STRBP: variants seen among roughly 807,000 people sequenced by gnomAD.
STRBP encodes the protein spermatid perinuclear RNA binding protein, also known as spermatid perinuclear RNA-binding protein.
STRBP carries 13 observed loss-of-function variants against 80.1 expected under a neutral mutation model. That is an observed-to-expected ratio of 0.16 (90% confidence interval 0.11 to 0.26). STRBP has a LOEUF of 0.26. Ranked by LOEUF, STRBP falls within the 10% of genes least tolerant of loss-of-function variation. The pLI, the probability that STRBP is intolerant of heterozygous loss-of-function variation, is 1.00. For missense variants in STRBP, 485 were observed against 815.2 expected (o/e 0.59, Z 4.93); for synonymous variants, 284 against 291.2 (o/e 0.98, Z 0.25).
At chr9:123,225,719 G>C (rs1208453793) in intron 2 of STRBP, among the ~76,000 whole-genome samples, 1 of 152,112 alleles carries the variant, frequency 6.6e-6, no homozygotes, top group African/African-American at 2.4e-5. Context: ...TCTTGTTCCT[G>C]GATGCTAACT....
chr9:123,234,465 A>G (rs2132588236), intron 2 of STRBP, among the ~76,000 whole-genome samples: 1 of 152,238 alleles, frequency 6.6e-6, no homozygotes, highest in South Asian at 2.1e-4. Context: ...ACTTCCCAAA[A>G]AGAAAACTAA....
At chr9:123,268,154 G>A (rs1163495376) in intron 1 of STRBP, among the ~76,000 whole-genome samples, 1 of 151,914 alleles carries the variant, frequency 6.6e-6, no homozygotes, top group African/African-American at 2.4e-5. Flanking sequence ...TGATCGGCCG[G>A]GACCCCGTCC....
intron 6 of STRBP, 48 bp from the exon 7 acceptor site, chr9:123,161,116 G>T (rs142499163): frequency 4.6e-6 from 6 of 1,297,662 alleles, no homozygotes; most frequent in Middle Eastern, 1.8e-4. Context: ...TTGACCAAGC[G>T]ATTCCTATCA....
At chr9:123,128,119 C>T in intron 18 of STRBP, 95 bp downstream of exon 18, 1 of 1,434,016 alleles carries the variant, frequency 7.0e-7, no homozygotes, top group Non-Finnish European at 9.8e-7. Flanking sequence ...AATCTGAGAT[C>T]CTCCAATTAA....
intron 2 of STRBP, among the ~76,000 whole-genome samples, chr9:123,188,715 T>C (rs2038801246): frequency 6.6e-6 from 1 of 152,150 alleles, no homozygotes; most frequent in Non-Finnish European, 1.5e-5. Flanking sequence ...ACTTAAATAT[T>C]TAGGGATTTT....
chr9:123,185,156 G>A (rs533010693), intron 2 of STRBP, among the ~76,000 whole-genome samples: 18 of 151,064 alleles, frequency 1.2e-4, no homozygotes, highest in African/African-American at 4.4e-4. Flanking sequence ...GTGGCTATAA[G>A]AGGACATAAT....
At chr9:123,235,445 T>C (rs1476838932) in intron 2 of STRBP, among the ~76,000 whole-genome samples, 9 of 149,618 alleles carry the variant, frequency 6.0e-5, no homozygotes, top group Non-Finnish European at 1.3e-4. Flanking sequence ...CTTTTATTTC[T>C]ATTGTGATTG....
intron 2 of STRBP, among the ~76,000 whole-genome samples, chr9:123,210,522 G>GA: frequency 6.6e-6 from 1 of 152,078 alleles, no homozygotes; most frequent in East Asian, 1.9e-4. Flanking sequence ...AAAAATAGAA[G>GA]AAACATTATT....
At chr9:123,205,668 C>T (rs1187756858) in intron 2 of STRBP, among the ~76,000 whole-genome samples, 2 of 152,208 alleles carry the variant, frequency 1.3e-5, no homozygotes, top group Non-Finnish European at 2.9e-5. Flanking sequence ...TTATCTTATA[C>T]TACTTAAAAG....
At chr9:123,192,343 T>C (rs377569595) in intron 2 of STRBP, among the ~76,000 whole-genome samples, 6 of 152,266 alleles carry the variant, frequency 3.9e-5, no homozygotes, top group African/African-American at 1.4e-4. Flanking sequence ...AGAACAACTA[T>C]ACTCAAAGAA....
At chr9:123,190,047 A>G (rs1328025622) in intron 2 of STRBP, among the ~76,000 whole-genome samples, 1 of 152,164 alleles carries the variant, frequency 6.6e-6, no homozygotes, top group East Asian at 1.9e-4. Flanking sequence ...TGGGAGGCAG[A>G]GATGGGTGGA....
chr9:123,245,315 G>A (rs1679016361), intron 1 of STRBP, among the ~76,000 whole-genome samples: 1 of 152,226 alleles, frequency 6.6e-6, no homozygotes, highest in African/African-American at 2.4e-5. Flanking sequence ...AGATGCTTAG[G>A]TAGCATCCCA....
chr9:123,183,027 A>AC (rs202215915), intron 3 of STRBP, among the ~76,000 whole-genome samples: 87,010 of 124,242 alleles, frequency 0.7, 32,431 homozygotes, highest in Non-Finnish European at 0.84. Context: ...AAAAAAAAAA[A>AC]AAAAAAAAAA....
chr9:123,125,744 A>T, intron 18 of STRBP, 71 bp from the exon 19 acceptor site: 1 of 1,228,456 alleles, frequency 8.1e-7, no homozygotes, highest in Non-Finnish European at 1.2e-6. Flanking sequence ...AGGTAAAAAA[A>T]TATCTGACAG....
rs1246139572 is a variant in STRBP at position 123,124,405 on chromosome 9, C to G, written c.*1192G>C. ...GGAGGACTTAGGTCTGCACCCTTTACAGAACAGCACAATGTTACCCACTGA... is the reference window on the plus strand; with the variant it reads ...GGAGGACTTAGGTCTGCACCCTTTAGAGAACAGCACAATGTTACCCACTGA... On this transcript the variant is annotated 3_prime_UTR_variant, in exon 19 of 19. Coordinates refer to ENST00000348403, the MANE Select transcript of STRBP (RefSeq NM_018387.5). 5 of 985,280 alleles carry G rather than the reference C, an allele frequency of 5.1e-6. No homozygotes were observed. In the East Asian group the frequency reaches 3.4e-4, roughly 67 times the overall value. 61.0% of individuals were successfully genotyped at this position (985,280 alleles called of 1,614,324 possible).
chr9:123,226,248 G>A (rs1231659012), intron 2 of STRBP, among the ~76,000 whole-genome samples: 1 of 152,148 alleles, frequency 6.6e-6, no homozygotes, highest in African/African-American at 2.4e-5. Context: ...TGACTACATG[G>A]CACTGAAAGG....
intron 2 of STRBP, among the ~76,000 whole-genome samples, chr9:123,236,495 CGTACTTTCTGAAT>C (rs1421483401): frequency 6.6e-6 from 1 of 152,176 alleles, no homozygotes; most frequent in African/African-American, 2.4e-5. Context: ...AAGTTCTTAA[CGTACTTTCTGAAT>C]CTTCAAAATG....
At chr9:123,201,823 T>C (rs1240111922) in intron 2 of STRBP, among the ~76,000 whole-genome samples, 1 of 152,232 alleles carries the variant, frequency 6.6e-6, no homozygotes, top group East Asian at 1.9e-4. Context: ...CAAAGATCTG[T>C]CTAGTGCTGT....
chr9:123,229,043 AC>A (rs1306388842), intron 2 of STRBP, among the ~76,000 whole-genome samples: 1 of 152,242 alleles, frequency 6.6e-6, no homozygotes, highest in Non-Finnish European at 1.5e-5. Context: ...ATACGCATGA[AC>A]CTTGAAAACA....
Sources: gnomAD v4.1 joint callset for allele counts (sites outside exome capture counted in the v4.1 genomes callset) on GRCh38, gnomAD v4.1.1 for gene constraint, MANE v1.5 for transcripts, NCBI Gene and HGNC (gene_info 2026-07-23, HGNC 2026-07-21) for gene names.